Variants in GFM2 observed in about 807,000 individuals in gnomAD.
GFM2 encodes GTP dependent ribosome recycling factor mitochondrial 2.
Under a neutral mutation model 95.4 loss-of-function variants are expected in GFM2, and 72 were observed. That is an observed-to-expected ratio of 0.76 (90% CI 0.62 to 0.92). GFM2 has a LOEUF of 0.92. Among genes scored for constraint, GFM2 ranks in the 40% least tolerant of loss-of-function variants. The pLI, the probability that GFM2 is intolerant of heterozygous loss-of-function variation, is 0.00. For missense variants in GFM2, 825 were observed against 924.1 expected (o/e 0.89, Z 1.39); for synonymous variants, 276 against 317.5 (o/e 0.87, Z 1.39).
Position 74,730,522 on chromosome 5 carries a change from T to C in GFM2, c.1588-124A>G, listed in dbSNP as rs979818810. On this transcript the variant is annotated intron_variant, in intron 16 of 20. Coordinates refer to ENST00000296805, the MANE Select transcript of GFM2 (RefSeq NM_032380.5). ...TAATTACAGTTTCCTTTGTAATTCT[T>C]TTTGGCCCGGGGCTTTTACATCAAA... 3 of 639,222 alleles carry C rather than the reference T, an allele frequency of 4.7e-6. No individual in the cohort carries two copies. In the African/African-American group the frequency reaches 5.7e-5, roughly 12 times the overall value. The allele number at this position is 639,222 out of a possible 1,614,324, so 39.6% of individuals were successfully genotyped here.
At chr5:74,722,703 ATAT>A (rs994908243) in intron 19 of GFM2, 142 bp from the exon 20 acceptor site, 1 of 615,232 alleles carries the variant, frequency 1.6e-6, no homozygotes, top group Non-Finnish European at 2.7e-6. Flanking sequence ...AACAACTATA[ATAT>A]TTGCTTGTAT....
At chr5:74,757,713 A>T (rs1417496765) in intron 5 of GFM2, among the ~76,000 whole-genome samples, 2 of 144,598 alleles carry the variant, frequency 1.4e-5, no homozygotes, top group Non-Finnish European at 3.0e-5. Flanking sequence ...TGGGCAACAG[A>T]GCAAGAGCCT....
chr5:74,751,491 C>T lies in GFM2; in HGVS notation c.307G>A (p.Val103Ile). Residue 103 changes from valine (V) to isoleucine (I), a missense_variant and splice_region_variant, in exon 6 of 21, where the codon GTT (valine) becomes ATT (isoleucine). By Grantham distance (29) the Val-to-Ile change is conservative (BLOSUM62 3). Transcript: ENST00000296805. ...TCTGTCACTGTGTCTCCATCATCAA[C>T]ATCTAGCCAGGAAAAAGATGATACA... is the stretch of plus-strand genomic sequence containing the variant. Reference protein sequence around the residue: ...YSGYTRSLGDVDDGDTVTDFM... With the variant: ...YSGYTRSLGDIDDGDTVTDFM... The T allele has an allele frequency of 1.2e-6, 2 of 1,607,864 alleles. No individual in the cohort carries two copies. Among genetic ancestry groups the T allele is most frequent in the Non-Finnish European group, 1.7e-6 (2 of 1,174,698 alleles).
intron 17 of GFM2, among the ~76,000 whole-genome samples, chr5:74,728,349 G>GT (rs60077745): frequency 0.074 from 11,230 of 152,054 alleles, 616 homozygotes; most frequent in East Asian, 0.16. Context: ...CAAGAAAATC[G>GT]TAAGAGAAAA....
chr5:74,749,059 G>A (rs550889469), intron 7 of GFM2, among the ~76,000 whole-genome samples: 3 of 151,488 alleles, frequency 2.0e-5, no homozygotes, highest in African/African-American at 7.3e-5. Flanking sequence ...GCCCAGGCTG[G>A]AATGCAGTGG....
intron 5 of GFM2, among the ~76,000 whole-genome samples, chr5:74,758,095 A>G (rs1561262153): frequency 6.6e-6 from 1 of 152,220 alleles, no homozygotes; most frequent in Non-Finnish European, 1.5e-5. Context: ...ATGTTTTTTT[A>G]ACTACAATTT....
intron 2 of GFM2, 45 bp from the exon 3 acceptor site, chr5:74,761,031 T>C: frequency 9.2e-7 from 1 of 1,084,720 alleles, no homozygotes; most frequent in East Asian, 2.4e-5. Context: ...TATTTTAGCA[T>C]CACTTATTAC....
At chr5:74,766,708 C>A (rs1744639586) in intron 1 of GFM2, among the ~76,000 whole-genome samples, 1 of 152,226 alleles carries the variant, frequency 6.6e-6, no homozygotes, top group Non-Finnish European at 1.5e-5. Context: ...TCCTCAGTAT[C>A]CTTCACAATC....
chr5:74,765,288 A>G (rs1323565274), intron 1 of GFM2: 1 of 208,528 alleles, frequency 4.8e-6, no homozygotes. Flanking sequence ...CTGCCTACCC[A>G]CTGCTTTCTA....
intron 7 of GFM2, among the ~76,000 whole-genome samples, chr5:74,748,789 C>T (rs1043583755): frequency 3.3e-5 from 5 of 150,674 alleles, no homozygotes; most frequent in Admixed American, 1.3e-4. Context: ...CGCTTGAACC[C>T]GGGAGACAGA....
intron 1 of GFM2, chr5:74,765,107 T>C: frequency 8.0e-7 from 1 of 1,257,216 alleles, no homozygotes; most frequent in Non-Finnish European, 1.0e-6. Context: ...CCCTTTTCAT[T>C]GGTAACGCCA....
At chr5:74,747,360 T>C (rs763606434) in intron 8 of GFM2, among the ~76,000 whole-genome samples, 4 of 152,190 alleles carry the variant, frequency 2.6e-5, no homozygotes, top group Non-Finnish European at 5.9e-5. Flanking sequence ...GGAAGCGCCA[T>C]ACCTTCAGCA....
chr5:74,728,447 A>G (rs1189266391), intron 17 of GFM2, among the ~76,000 whole-genome samples: 5 of 152,146 alleles, frequency 3.3e-5, no homozygotes, highest in Non-Finnish European at 7.3e-5. Flanking sequence ...AGGAGTAAGA[A>G]AAGGAGGGGT....
intron 5 of GFM2, among the ~76,000 whole-genome samples, chr5:74,757,424 T>C (rs1296719599): frequency 6.6e-6 from 1 of 152,162 alleles, no homozygotes; most frequent in Non-Finnish European, 1.5e-5. Context: ...AAAGCTTGAT[T>C]TCCTTCTTGT....
At chr5:74,750,945 A>C (rs780552367) in intron 6 of GFM2, among the ~76,000 whole-genome samples, 8 of 152,328 alleles carry the variant, frequency 5.3e-5, no homozygotes, top group Non-Finnish European at 7.3e-5. Context: ...AAAAAAGAAA[A>C]TATTGTAGCA....
chr5:74,729,702 T>C (rs1318945054), intron 17 of GFM2, among the ~76,000 whole-genome samples: 1 of 150,494 alleles, frequency 6.6e-6, no homozygotes, highest in Non-Finnish European at 1.5e-5. Context: ...TTTTAAACAA[T>C]TTCCCACAAA....
At chr5:74,729,753 G>T (rs926899667) in intron 17 of GFM2, among the ~76,000 whole-genome samples, 5 of 145,134 alleles carry the variant, frequency 3.4e-5, no homozygotes, top group African/African-American at 5.2e-5. Flanking sequence ...AGCAATAATT[G>T]TTGTCATGTT....
At chr5:74,721,811 A>G (rs2112193596) in intron 20 of GFM2, 28 bp from the exon 21 acceptor site, 2 of 1,582,628 alleles carry the variant, frequency 1.3e-6, no homozygotes, top group Non-Finnish European at 1.7e-6. Flanking sequence ...AGTCATTTAT[A>G]TTATCAAATT....
At chr5:74,724,625 T>G (rs886776516) in intron 19 of GFM2, among the ~76,000 whole-genome samples, 1 of 152,176 alleles carries the variant, frequency 6.6e-6, no homozygotes. Flanking sequence ...CAAAAAGCTT[T>G]TTAAGAAGTA....
Sources: gnomAD v4.1 joint callset for allele counts (sites outside exome capture counted in the v4.1 genomes callset) on GRCh38, gnomAD v4.1.1 for gene constraint, MANE v1.5 for transcripts, NCBI Gene and HGNC (gene_info 2026-07-23, HGNC 2026-07-21) for gene names.